Variants in PDGFD observed in about 807,000 individuals in gnomAD.
PDGFD encodes the protein platelet derived growth factor D, also known as platelet-derived growth factor D.
A neutral mutation model predicts 44.7 loss-of-function variants in PDGFD; 30 were observed. That is an observed-to-expected ratio of 0.67 (90% CI 0.50 to 0.91). PDGFD has a LOEUF of 0.91. Ranked by LOEUF, PDGFD falls within the 40% of genes least tolerant of loss-of-function variation. PDGFD has a pLI of 0.00. For missense variants in PDGFD, 445 were observed against 457.8 expected, an observed-to-expected ratio of 0.97 and a Z score of 0.25; for synonymous variants, 173 against 168.4, an observed-to-expected ratio of 1.03 and a Z score of -0.21.
At chr11:104,010,569 A>T (rs2134374363) in intron 1 of PDGFD, among the ~76,000 whole-genome samples, 2 of 152,250 alleles carry the variant, frequency 1.3e-5, no homozygotes, top group Middle Eastern at 6.8e-3. Context: ...TACAGAAATG[A>T]TGGTAAAATA....
intron 1 of PDGFD, among the ~76,000 whole-genome samples, chr11:104,041,836 T>C (rs1860358684): frequency 6.6e-6 from 1 of 152,202 alleles, no homozygotes; most frequent in African/African-American, 2.4e-5. Flanking sequence ...AAAAGATAAA[T>C]CGATGTTTGC....
intron 5 of PDGFD, among the ~76,000 whole-genome samples, chr11:103,940,574 C>T (rs1858567712): frequency 1.3e-5 from 2 of 152,108 alleles, no homozygotes; most frequent in Admixed American, 1.3e-4. Flanking sequence ...CACTGCTCCC[C>T]TCCTCATACA....
intron 1 of PDGFD, among the ~76,000 whole-genome samples, chr11:104,065,437 T>C (rs551061158): frequency 6.6e-6 from 1 of 152,278 alleles, no homozygotes; most frequent in South Asian, 2.1e-4. Flanking sequence ...ATTTTAGTCT[T>C]AAAAATTTTT....
chr11:104,025,761 G>A (rs1860033381), intron 1 of PDGFD, among the ~76,000 whole-genome samples: 2 of 152,180 alleles, frequency 1.3e-5, no homozygotes, highest in African/African-American at 4.8e-5. Context: ...ATGAGGCAGG[G>A]CAGCAACAGT....
At chr11:104,040,458 T>G (rs1860329276) in intron 1 of PDGFD, among the ~76,000 whole-genome samples, 1 of 152,074 alleles carries the variant, frequency 6.6e-6, no homozygotes. Context: ...TTAGTTTCAT[T>G]AATGTCTTCA....
intron 1 of PDGFD, among the ~76,000 whole-genome samples, chr11:104,142,277 A>G (rs1351094819): frequency 6.6e-6 from 1 of 152,176 alleles, no homozygotes; most frequent in Non-Finnish European, 1.5e-5. Context: ...GTGTATTTAT[A>G]CATATACACA....
intron 1 of PDGFD, among the ~76,000 whole-genome samples, chr11:104,156,392 A>G (rs1178779310): frequency 6.6e-6 from 1 of 152,178 alleles, no homozygotes; most frequent in Non-Finnish European, 1.5e-5. Flanking sequence ...AAATTTTAAA[A>G]ATGAATCCTA....
intron 1 of PDGFD, among the ~76,000 whole-genome samples, chr11:104,072,506 A>C (rs1860895547): frequency 6.6e-6 from 1 of 151,892 alleles, no homozygotes; most frequent in African/African-American, 2.4e-5. Context: ...TCGGGTATAC[A>C]ATCGTATCAT....
At chr11:104,065,609 C>T (rs113584025) in intron 1 of PDGFD, among the ~76,000 whole-genome samples, 12 of 152,174 alleles carry the variant, frequency 7.9e-5, no homozygotes, top group African/African-American at 2.6e-4. Context: ...AATTAACTGG[C>T]AATAGAAAAT....
chr11:104,106,329 C>T (rs1861471232), intron 1 of PDGFD, among the ~76,000 whole-genome samples: 1 of 152,074 alleles, frequency 6.6e-6, no homozygotes, highest in Non-Finnish European at 1.5e-5. Flanking sequence ...ATGATAACAA[C>T]CACAAAGAAG....
intron 6 of PDGFD, among the ~76,000 whole-genome samples, chr11:103,913,444 T>C (rs1312918332): frequency 6.6e-6 from 1 of 152,326 alleles, no homozygotes; most frequent in East Asian, 1.9e-4. Context: ...AGATGTTCTT[T>C]GAAACCAATG....
intron 5 of PDGFD, among the ~76,000 whole-genome samples, chr11:103,936,815 G>T (rs962500948): frequency 3.4e-5 from 5 of 145,850 alleles, no homozygotes; most frequent in Non-Finnish European, 7.4e-5. Flanking sequence ...CTGTTTTTTT[G>T]TTTGTTTGTT....
chr11:104,122,599 CTCTT>C (rs1391100306), intron 1 of PDGFD, among the ~76,000 whole-genome samples: 1 of 152,034 alleles, frequency 6.6e-6, no homozygotes, highest in Non-Finnish European at 1.5e-5. Context: ...CTTAACCTCA[CTCTT>C]TATGTGTCCA....
intron 1 of PDGFD, among the ~76,000 whole-genome samples, chr11:104,112,327 C>A (rs1038283151): frequency 1.3e-5 from 2 of 151,346 alleles, no homozygotes; most frequent in African/African-American, 4.9e-5. Flanking sequence ...TGCATGTATG[C>A]CTTCTTTTAA....
chr11:103,924,966 C>T (rs1401935076), intron 6 of PDGFD, among the ~76,000 whole-genome samples: 1 of 152,144 alleles, frequency 6.6e-6, no homozygotes, highest in African/African-American at 2.4e-5. Context: ...CTCCCCCAAC[C>T]CCCAACCCAC....
At chr11:104,081,786 G>A (rs778568965) in intron 1 of PDGFD, among the ~76,000 whole-genome samples, 10 of 152,098 alleles carry the variant, frequency 6.6e-5, no homozygotes, top group South Asian at 4.1e-4. Flanking sequence ...TCAAAACCAC[G>A]TTTAAGCATT....
intron 1 of PDGFD, among the ~76,000 whole-genome samples, chr11:104,074,490 A>T (rs1290012376): frequency 6.6e-6 from 1 of 152,188 alleles, no homozygotes; most frequent in African/African-American, 2.4e-5. Context: ...AGAAAATGTG[A>T]TTTTCAAATT....
intron 1 of PDGFD, among the ~76,000 whole-genome samples, chr11:104,088,309 C>A (rs1029395606): frequency 6.6e-5 from 10 of 152,140 alleles, no homozygotes; most frequent in Non-Finnish European, 1.3e-4. Flanking sequence ...TCTGTTTATT[C>A]TGCCTTACTG....
chr11:104,090,321 G>C (rs1211674296), intron 1 of PDGFD, among the ~76,000 whole-genome samples: 1 of 150,282 alleles, frequency 6.7e-6, no homozygotes, highest in Non-Finnish European at 1.5e-5. Flanking sequence ...CTTGGTAAAT[G>C]TTAAAAATGG....
Sources: allele counts gnomAD v4.1 joint callset (sites outside exome capture counted in the v4.1 genomes callset), GRCh38; gene constraint gnomAD v4.1.1; transcripts MANE v1.5; gene names NCBI Gene and HGNC (gene_info 2026-07-23, HGNC 2026-07-21).